Variants in CIT observed in about 807,000 individuals in gnomAD.
CIT encodes citron Rho-interacting kinase.
CIT carries 79 observed loss-of-function variants against 272.7 expected under a neutral mutation model. The observed-to-expected ratio is 0.29, with a 90% CI of 0.24 to 0.35. The LOEUF (loss-of-function observed/expected upper bound fraction) is 0.35, where lower values mean the gene tolerates loss of function less well. Ranked by LOEUF, CIT falls within the 10% of genes least tolerant of loss-of-function variation. The pLI is 1.00. For missense variants in CIT, 1,909 were observed against 2,618.3 expected, an observed-to-expected ratio of 0.73 and a Z score of 5.91; for synonymous variants, 948 against 995.6, an observed-to-expected ratio of 0.95 and a Z score of 0.90.
At chr12:119,719,913 A>C (rs1957739994) in intron 30 of CIT, among the ~76,000 whole-genome samples, 2 of 152,164 alleles carry the variant, frequency 1.3e-5, no homozygotes, top group Non-Finnish European at 2.9e-5. Context: ...CCTAGTTTGT[A>C]ATTTGTCTCC....
chr12:119,869,309 G>T, intron 2 of CIT, 108 bp from the exon 3 acceptor site: 1 of 1,059,262 alleles, frequency 9.4e-7, no homozygotes, highest in Non-Finnish European at 1.4e-6. Context: ...AACTGCTCAC[G>T]ACATGCTAAC....
chr12:119,775,114 A>G (rs1963610576), intron 16 of CIT, among the ~76,000 whole-genome samples: 1 of 152,072 alleles, frequency 6.6e-6, no homozygotes, highest in African/African-American at 2.4e-5. Context: ...GTCTATTAAA[A>G]ATACAAAAAT....
At chr12:119,691,964 T>C (rs1463851984) in intron 46 of CIT, among the ~76,000 whole-genome samples, 1 of 152,262 alleles carries the variant, frequency 6.6e-6, no homozygotes, top group Admixed American at 6.5e-5. Context: ...TATAAACTTA[T>C]TTTATGCTAG....
chr12:119,807,188 A>T (rs1329890704), intron 9 of CIT, among the ~76,000 whole-genome samples: 1 of 152,256 alleles, frequency 6.6e-6, no homozygotes, highest in Non-Finnish European at 1.5e-5. Flanking sequence ...TTCAAGAAGC[A>T]TTTGTGTACA....
At chr12:119,861,884 C>T (rs930280912) in intron 3 of CIT, among the ~76,000 whole-genome samples, 10 of 152,170 alleles carry the variant, frequency 6.6e-5, no homozygotes, top group African/African-American at 1.7e-4. Context: ...CCTACAAGTC[C>T]GCCCATATAA....
chr12:119,726,746 G>C (rs534386999), intron 28 of CIT, among the ~76,000 whole-genome samples: 1 of 152,172 alleles, frequency 6.6e-6, no homozygotes, highest in South Asian at 2.1e-4. Context: ...GTCCTTGCAG[G>C]TCAATCCTAA....
chr12:119,861,677 A>G (rs1458446816), intron 3 of CIT, among the ~76,000 whole-genome samples: 1 of 152,234 alleles, frequency 6.6e-6, no homozygotes, highest in Non-Finnish European at 1.5e-5. Flanking sequence ...AAAAGCCAAC[A>G]TAGCTGGGTG....
In CIT at chr12:119,778,252, A is replaced by T. The variant is rs534620261; in HGVS notation, c.1666-1410T>A. On this transcript the variant is annotated intron_variant, in intron 13 of 47. Transcript: ENST00000392521. ...TCTAAAATCAAAACATTTACATTGA[A>T]GTTTCTCAGAACTGGGCTCACCAAA... 5.3e-5 allele frequency among the ~76,000 whole-genome samples: 8 copies of T among 152,350 alleles called. No individual in the cohort carries two copies. In the South Asian group the frequency reaches 1.7e-3, roughly 32 times the overall value.
chr12:119,721,548 G>A, intron 28 of CIT, 99 bp from the exon 29 acceptor site: 1 of 1,121,478 alleles, frequency 8.9e-7, no homozygotes, highest in Admixed American at 2.3e-5. Flanking sequence ...CATGGCACCA[G>A]AAGTACAGCT....
chr12:119,802,189 A>G (rs1966258342), intron 10 of CIT, among the ~76,000 whole-genome samples: 1 of 152,170 alleles, frequency 6.6e-6, no homozygotes, highest in Non-Finnish European at 1.5e-5. Flanking sequence ...AACTAACCCA[A>G]CATTACCCTC....
chr12:119,783,796 T>A (rs1964519097), intron 12 of CIT, 112 bp downstream of exon 12: 2 of 1,335,740 alleles, frequency 1.5e-6, no homozygotes. Flanking sequence ...TCCCTCTCTC[T>A]ACTCTCTGCC....
At chr12:119,775,890 T>A (rs1461510734) in intron 15 of CIT, 51 bp from the exon 16 acceptor site, 1 of 1,443,486 alleles carries the variant, frequency 6.9e-7, no homozygotes, top group Non-Finnish European at 9.7e-7. Context: ...AGCATTAACA[T>A]CTTGCTACAT....
At position 119,804,283 on chromosome 12, in the gene CIT, T is replaced by A; in HGVS notation, c.1112-894A>T. On this transcript the variant is annotated intron_variant, in intron 9 of 47. Transcript: ENST00000392521. The surrounding 1 kb of genome is among the most constrained non-coding windows in gnomAD (Gnocchi z 5.3). ...CCATCAGTCACCAGGAGGCTGCCCA[T>A]CGCGGTGGGCTCCCGGGGGTGTCCC... 1.0e-6 allele frequency: 1 copy of A among 985,508 alleles called. No individual in the cohort carries two copies. Among genetic ancestry groups the A allele is most frequent in the Non-Finnish European group, 1.2e-6 (1 of 829,984 alleles). The allele number at this position is 985,508 out of a possible 1,614,324, so 61.0% of individuals were successfully genotyped here. A position where few individuals can be genotyped will look rare whatever the true frequency, so the allele number is the denominator to read the frequency against.
intron 10 of CIT, among the ~76,000 whole-genome samples, chr12:119,796,623 A>G (rs1247917910): frequency 6.6e-6 from 1 of 152,174 alleles, no homozygotes; most frequent in South Asian, 2.1e-4. Context: ...AAACTGGTAA[A>G]ACATCCTGGT....
intron 9 of CIT, among the ~76,000 whole-genome samples, chr12:119,805,059 G>A (rs759173551): frequency 1.3e-4 from 18 of 137,054 alleles, no homozygotes; most frequent in African/African-American, 3.7e-4. Context: ...TCAATTATCC[G>A]GTACCTTTTT....
At chr12:119,689,953 G>GC (rs1207681845) in intron 47 of CIT, among the ~76,000 whole-genome samples, 198 bp downstream of exon 47, 3 of 152,032 alleles carry the variant, frequency 2.0e-5, no homozygotes, top group Non-Finnish European at 4.4e-5. Context: ...TGCTGGGATT[G>GC]CAGGCGTGAG....
chr12:119,853,760 T>C (rs530909543), intron 4 of CIT, among the ~76,000 whole-genome samples: 1 of 152,116 alleles, frequency 6.6e-6, no homozygotes, highest in Non-Finnish European at 1.5e-5. Context: ...ACATAAAAGG[T>C]GTCCAAGGAA....
chr12:119,781,045 A>G (rs1964241772), intron 13 of CIT, among the ~76,000 whole-genome samples: 1 of 152,230 alleles, frequency 6.6e-6, no homozygotes, highest in Non-Finnish European at 1.5e-5. Context: ...TTTCCCCAGG[A>G]TGTCACCAAA....
chr12:119,694,640 C>T lies in CIT; in HGVS notation c.5882+3019G>A, dbSNP rs1033700655. Among the ~76,000 whole-genome samples the T allele has an allele frequency of 6.6e-6, 1 of 151,742 alleles. No individual in the cohort carries two copies. The highest frequency in any genetic ancestry group is 2.4e-5 in the African/African-American group (1 of 41,264). ...GCAATGTGGTAAAACCCTGTCTCTA[C>T]AAAAAATACAAAAATTAGCCAGGTG... is the stretch of plus-strand genomic sequence containing the variant. On this transcript the variant is annotated intron_variant, in intron 46 of 47. Transcript: ENST00000392521. This position sits in a 1 kb window ranked among gnomAD's most constrained non-coding sequence, Gnocchi z 4.5.
Sources: allele counts gnomAD v4.1 joint callset (sites outside exome capture counted in the v4.1 genomes callset), GRCh38; gene constraint gnomAD v4.1.1; non-coding constraint Gnocchi (gnomAD v3.1); transcripts MANE v1.5; gene names NCBI Gene and HGNC (gene_info 2026-07-23, HGNC 2026-07-21).